The following ZNF385D variants were observed in gnomAD, a reference collection of about 807,000 sequenced individuals.
ZNF385D encodes zinc finger protein 385D, also known as zinc finger protein 659.
A neutral mutation model predicts 35.8 loss-of-function variants in ZNF385D; 15 were observed. The ratio of observed to expected loss-of-function variants is 0.42; its 90% confidence interval spans 0.28 to 0.64. The LOEUF is 0.64. Among genes scored for constraint, ZNF385D ranks in the 30% least tolerant of loss-of-function variants. ZNF385D has a pLI of 0.23. For synonymous variants in ZNF385D, 212 were observed against 186.8 expected (o/e 1.13, Z -1.10); for missense variants, 474 against 494.6 (o/e 0.96, Z 0.39).
chr3:21,806,769 T>C (rs1479296336), intron 3 of ZNF385D, among the ~76,000 whole-genome samples: 7 of 152,176 alleles, frequency 4.6e-5, no homozygotes, highest in Non-Finnish European at 8.8e-5. Context: ...GAAAACTCAC[T>C]TGTGGCTCCC....
chr3:22,175,144 ATTCTT>A (rs1374863160), intron 2 of ZNF385D, among the ~76,000 whole-genome samples: 31 of 152,122 alleles, frequency 2.0e-4, no homozygotes, highest in African/African-American at 7.5e-4. Flanking sequence ...GGAGTTTATA[ATTCTT>A]ATACAATTTT....
At chr3:22,006,683 G>C (rs979303979) in intron 3 of ZNF385D, among the ~76,000 whole-genome samples, 1 of 151,866 alleles carries the variant, frequency 6.6e-6, no homozygotes, top group African/African-American at 2.4e-5. Flanking sequence ...CTTTATTTTT[G>C]GCAATACAGC....
intron 4 of ZNF385D, among the ~76,000 whole-genome samples, chr3:21,456,993 A>G (rs910412109): frequency 1.4e-4 from 21 of 152,162 alleles, no homozygotes; most frequent in African/African-American, 4.8e-4. Context: ...ATATATAACA[A>G]TATAAGGGTT....
At chr3:21,588,393 A>T (rs115162719) in intron 2 of ZNF385D, among the ~76,000 whole-genome samples, 2,855 of 152,238 alleles carry the variant, frequency 0.019, 98 homozygotes, top group African/African-American at 0.065. Flanking sequence ...TTTATTTACA[A>T]ATTCATATTT....
chr3:21,764,378 T>C (rs1294365422), intron 3 of ZNF385D, among the ~76,000 whole-genome samples: 2 of 152,164 alleles, frequency 1.3e-5, no homozygotes, highest in Non-Finnish European at 1.5e-5. Context: ...GCCTCATAGT[T>C]ATGGATTCAA....
chr3:21,608,012 C>CTTCTTTTTTTTTTTTTTTTTTTT (rs2064536095), intron 2 of ZNF385D, among the ~76,000 whole-genome samples: 10 of 123,954 alleles, frequency 8.1e-5, no homozygotes, highest in African/African-American at 3.1e-4. Context: ...TCTTTTTCTT[C>CTTCTTTTTTTTTTTTTTTTTTTT]TTTTTTTTTT....
chr3:21,529,418 C>T (rs1325724111), intron 3 of ZNF385D, among the ~76,000 whole-genome samples: 1 of 152,100 alleles, frequency 6.6e-6, no homozygotes, highest in African/African-American at 2.4e-5. Context: ...TTTCAGGAAC[C>T]CTTCAAGTGT....
chr3:22,014,556 C>T (rs889800841), intron 3 of ZNF385D, among the ~76,000 whole-genome samples: 1 of 152,086 alleles, frequency 6.6e-6, no homozygotes, highest in Non-Finnish European at 1.5e-5. Context: ...AAACCCACAT[C>T]CACCTACCCC....
intron 2 of ZNF385D, among the ~76,000 whole-genome samples, chr3:22,295,469 A>AT (rs1249907542): frequency 1.4e-5 from 1 of 72,682 alleles, no homozygotes; most frequent in East Asian, 2.8e-4. Context: ...GTAAAATAGA[A>AT]TAAAAAAAGT....
chr3:22,038,519 C>A (rs991010812), intron 3 of ZNF385D, among the ~76,000 whole-genome samples: 2 of 151,896 alleles, frequency 1.3e-5, no homozygotes, highest in African/African-American at 2.4e-5. Context: ...GTTATTTGTA[C>A]TGTTGTTGTC....
At chr3:21,542,877 T>C (rs549205321) in intron 3 of ZNF385D, 3 of 152,482 alleles carry the variant, frequency 2.0e-5, no homozygotes, top group African/African-American at 7.2e-5. Flanking sequence ...ATTCACCCTT[T>C]AAACCTTCTC....
Position 22,115,412 on chromosome 3 carries a change from T to C in ZNF385D, c.325+53405A>G, listed in dbSNP as rs549506372. ...AAAGAGAACATAGGTGTCCTTTGGA[T>C]TTTATTTAAAAATTACTTCAATATT... On this transcript the variant is annotated intron_variant, in intron 3 of 5. Coordinates refer to the ZNF385D transcript ENST00000494108. Among the ~76,000 whole-genome samples, 5 of 152,232 alleles carry C rather than the reference T, an allele frequency of 3.3e-5. No individual in the cohort carries two copies. The South Asian group carries it at 1.0e-3, about 32-fold the overall frequency.
At chr3:21,781,916 G>A (rs567421965) in intron 3 of ZNF385D, among the ~76,000 whole-genome samples, 1 of 152,090 alleles carries the variant, frequency 6.6e-6, no homozygotes, top group Non-Finnish European at 1.5e-5. Flanking sequence ...GGGCTAAATG[G>A]GGATGGAACA....
At chr3:22,102,128 G>C (rs984361256) in intron 3 of ZNF385D, among the ~76,000 whole-genome samples, 1 of 151,894 alleles carries the variant, frequency 6.6e-6, no homozygotes, top group Admixed American at 6.6e-5. Context: ...CCCTTGGATT[G>C]ACAATGAAGA....
chr3:22,073,876 G>C (rs4858376), intron 3 of ZNF385D, among the ~76,000 whole-genome samples: 12,434 of 151,876 alleles, frequency 0.082, 670 homozygotes, highest in Admixed American at 0.16. Flanking sequence ...CAGCCTTTAC[G>C]ATTGTTTTAT....
intron 2 of ZNF385D, among the ~76,000 whole-genome samples, chr3:21,615,118 G>T (rs2064807817): frequency 6.6e-6 from 1 of 152,160 alleles, no homozygotes; most frequent in African/African-American, 2.4e-5. Flanking sequence ...TTGAAGGTGG[G>T]GCCTAGTGGG....
chr3:21,557,247 T>A (rs935296007), intron 3 of ZNF385D, among the ~76,000 whole-genome samples: 4 of 152,338 alleles, frequency 2.6e-5, no homozygotes, highest in Admixed American at 2.6e-4. Context: ...TGTGCTAGTT[T>A]TCAAAGGGAA....
intron 2 of ZNF385D, among the ~76,000 whole-genome samples, chr3:22,294,451 C>T (rs373119646): frequency 7.8e-4 from 119 of 151,976 alleles, no homozygotes; most frequent in African/African-American, 2.8e-3. Flanking sequence ...GGTCCACCCC[C>T]GCATATTTAT....
chr3:22,209,339 T>G (rs577594908), intron 2 of ZNF385D, among the ~76,000 whole-genome samples: 3 of 151,948 alleles, frequency 2.0e-5, no homozygotes, highest in Non-Finnish European at 2.9e-5. Context: ...TAGTGGAAAG[T>G]AATTAAAGTG....
Sources: gnomAD v4.1 joint callset for allele counts (sites outside exome capture counted in the v4.1 genomes callset) on GRCh38, gnomAD v4.1.1 for gene constraint, MANE v1.5 for transcripts, NCBI Gene and HGNC (gene_info 2026-07-23, HGNC 2026-07-21) for gene names.